Variants in FREM1 observed in about 807,000 individuals in gnomAD.
FREM1 encodes FRAS1-related extracellular matrix protein 1.
A neutral mutation model predicts 210.1 loss-of-function variants in FREM1; 220 were observed. The ratio of observed to expected loss-of-function variants is 1.05; its 90% CI spans 0.94 to 1.17. The LOEUF is 1.17. Ranked by LOEUF, FREM1 falls within the 50% of genes most tolerant of loss-of-function variation. The pLI, the probability that FREM1 is intolerant of heterozygous loss-of-function variation, is 0.00. For missense variants in FREM1, 3,454 were observed against 2,675.5 expected (o/e 1.29, Z -6.42); for synonymous variants, 1,189 against 980.2 (o/e 1.21, Z -3.98).
chr9:14,832,516 C>G (rs371893118), intron 10 of FREM1, among the ~76,000 whole-genome samples: 2 of 152,194 alleles, frequency 1.3e-5, no homozygotes, highest in Non-Finnish European at 2.9e-5. Context: ...GGAAGAGAGG[C>G]AATACCTCTT....
chr9:14,850,157 G>A (rs1263862451), intron 6 of FREM1, among the ~76,000 whole-genome samples: 1 of 152,154 alleles, frequency 6.6e-6, no homozygotes, highest in Non-Finnish European at 1.5e-5. Flanking sequence ...AGTTCTTTAA[G>A]CATGTGAAGC....
intron 22 of FREM1, among the ~76,000 whole-genome samples, chr9:14,789,402 C>T (rs10810242): frequency 1.3e-5 from 2 of 152,096 alleles, no homozygotes; most frequent in Non-Finnish European, 2.9e-5. Flanking sequence ...GCAACCATAG[C>T]TGATTGAATA....
intron 2 of FREM1, among the ~76,000 whole-genome samples, chr9:14,866,433 G>A (rs1258688154): frequency 3.3e-5 from 5 of 152,192 alleles, no homozygotes; most frequent in Non-Finnish European, 1.5e-5. Flanking sequence ...TATACGGTAA[G>A]GAGTCATAGG....
At chr9:14,738,756 T>C (rs1840869958) in intron 36 of FREM1, among the ~76,000 whole-genome samples, 1 of 152,132 alleles carries the variant, frequency 6.6e-6, no homozygotes. Context: ...ATGCCTGCAA[T>C]TCCAGCATTT....
chr9:14,875,678 CAA>C (rs1243969322), intron 1 of FREM1, among the ~76,000 whole-genome samples: 1 of 152,224 alleles, frequency 6.6e-6, no homozygotes, highest in Non-Finnish European at 1.5e-5. Context: ...CTCAACTCGT[CAA>C]AGTCATTCTC....
At chr9:14,883,219 A>T (rs1405543171) in intron 1 of FREM1, among the ~76,000 whole-genome samples, 1 of 152,220 alleles carries the variant, frequency 6.6e-6, no homozygotes, top group Non-Finnish European at 1.5e-5. Flanking sequence ...TTAAAAAACT[A>T]AATTTTGATA....
At chr9:14,884,182 T>C (rs1835350043) in intron 1 of FREM1, among the ~76,000 whole-genome samples, 1 of 151,850 alleles carries the variant, frequency 6.6e-6, no homozygotes, top group African/African-American at 2.4e-5. Flanking sequence ...TGAGCCAAGA[T>C]CGCGCCACTG....
chr9:14,778,897 A>T (rs1336885091), intron 24 of FREM1, among the ~76,000 whole-genome samples: 1 of 152,120 alleles, frequency 6.6e-6, no homozygotes, highest in Non-Finnish European at 1.5e-5. Context: ...AAATAATTTT[A>T]AAAAAGAAAA....
chr9:14,858,370 A>T (rs987722230), intron 4 of FREM1, among the ~76,000 whole-genome samples: 8 of 151,534 alleles, frequency 5.3e-5, no homozygotes, highest in African/African-American at 9.7e-5. Flanking sequence ...CTTTCAAATT[A>T]AAAAAAAATT....
At chr9:14,906,274 A>T (rs1460131261) in intron 1 of FREM1, among the ~76,000 whole-genome samples, 2 of 152,166 alleles carry the variant, frequency 1.3e-5, no homozygotes, top group Non-Finnish European at 2.9e-5. Flanking sequence ...ACCCAGGTGA[A>T]ATTTTTTCAA....
intron 1 of FREM1, among the ~76,000 whole-genome samples, chr9:14,879,236 T>A (rs911837779): frequency 7.2e-5 from 11 of 151,742 alleles, no homozygotes; most frequent in African/African-American, 2.4e-4. Flanking sequence ...ATTCCGTTAC[T>A]GAGAATCTGT....
intron 1 of FREM1, among the ~76,000 whole-genome samples, chr9:14,888,510 G>C (rs1836211492): frequency 6.6e-6 from 1 of 152,168 alleles, no homozygotes. Flanking sequence ...GTTCTCTAAA[G>C]GAAGTAGCTG....
chr9:14,860,580 T>C (rs1419941928), intron 3 of FREM1, among the ~76,000 whole-genome samples: 1 of 138,514 alleles, frequency 7.2e-6, no homozygotes, highest in South Asian at 2.2e-4. Flanking sequence ...CACATATATA[T>C]ACACATATAT....
At chr9:14,798,607 A>T (rs1852890948) in intron 20 of FREM1, among the ~76,000 whole-genome samples, 3 of 152,260 alleles carry the variant, frequency 2.0e-5, no homozygotes, top group African/African-American at 7.2e-5. Context: ...CATCTCTTTT[A>T]AAAAATTACA....
In FREM1 at chr9:14,737,606, C is replaced by A; in HGVS notation, c.6341-11G>T. On this transcript the variant is annotated splice_polypyrimidine_tract_variant and intron_variant, in intron 36 of 36. Transcript: ENST00000380880. ...CTTGGTCGTTCAAACCTAATGTGAA[C>A]CAAAAGAATGTACCAATTACTTTTA... 6.6e-7 allele frequency: 1 copy of A among 1,504,674 alleles called. No individual in the cohort carries two copies. The highest frequency in any genetic ancestry group is 1.4e-5 in the South Asian group (1 of 73,490). The allele number at this position is 1,504,674 out of a possible 1,614,324, so 93.2% of individuals were successfully genotyped here.
chr9:14,776,372 T>A, intron 24 of FREM1, 169 bp from the exon 25 acceptor site: 1 of 632,374 alleles, frequency 1.6e-6, no homozygotes, highest in Non-Finnish European at 2.5e-6. Context: ...AACCAGTCAC[T>A]AGAGTAATGC....
Position 14,863,810 on chromosome 9 carries a change from T to A in FREM1, c.328A>T (p.Arg110Ter). 6.2e-7 allele frequency: 1 copy of A among 1,601,032 alleles called. No homozygotes were observed. The highest frequency in any genetic ancestry group is 8.6e-7 in the Non-Finnish European group (1 of 1,168,210). ...GAGCGATGTTCCCGTGCCGCTTACCTGTAAAGTCTGAGCTTCACTGTGTCT... is the reference window on the plus strand; with the variant it reads ...GAGCGATGTTCCCGTGCCGCTTACCAGTAAAGTCTGAGCTTCACTGTGTCT... ...DEDTVKLRLY[R>*]FTERDTFIET... The change falls in exon 3 of 37, where the codon AGA becomes TGA. Residue 110 changes from arginine (R) to a stop codon, truncating the protein, a stop_gained and splice_region_variant. Coordinates refer to ENST00000380880, the MANE Select transcript of FREM1 (RefSeq NM_001379081.2). LOFTEE classifies it high-confidence loss of function.
At chr9:14,784,100 A>G (rs569642716) in intron 24 of FREM1, among the ~76,000 whole-genome samples, 9 of 152,302 alleles carry the variant, frequency 5.9e-5, no homozygotes, top group Admixed American at 5.9e-4. Context: ...TGCTTCTGTC[A>G]TTTTAATCGT....
chr9:14,772,943 G>C (rs577491521), intron 25 of FREM1, among the ~76,000 whole-genome samples: 1 of 152,252 alleles, frequency 6.6e-6, no homozygotes, highest in African/African-American at 2.4e-5. Flanking sequence ...TCGTGATCAT[G>C]TGTTTTTAAA....
Sources: gnomAD v4.1 joint callset for allele counts (sites outside exome capture counted in the v4.1 genomes callset) on GRCh38, gnomAD v4.1.1 for gene constraint, MANE v1.5 for transcripts, NCBI Gene and HGNC (gene_info 2026-07-23, HGNC 2026-07-21) for gene names.